Variants in PUDP observed in about 807,000 individuals in gnomAD.
The protein encoded by PUDP is pseudouridine-5'-phosphatase.
A neutral mutation model predicts 9.4 loss-of-function variants in PUDP; 8 were observed. The ratio of observed to expected loss-of-function variants is 0.85; its 90% confidence interval spans 0.50 to 1.53. The LOEUF (loss-of-function observed/expected upper bound fraction) is 1.53, where lower values mean the gene tolerates loss of function less well. Among genes scored for constraint, PUDP ranks in the 40% most tolerant of loss-of-function variants. The probability of loss-of-function intolerance (pLI) is 0.00; values close to 1 mark genes in which losing one functional copy is unlikely to be tolerated. For missense variants in PUDP, 188 were observed against 189.7 expected (o/e 0.99, Z 0.05); for synonymous variants, 99 against 80.7 (o/e 1.23, Z -1.22).
chrX:6,899,213 T>A (rs1239364756), intron 3 of PUDP, among the ~76,000 whole-genome samples: 1 of 112,869 alleles, frequency 8.9e-6, no homozygotes, highest in Non-Finnish European at 1.9e-5. Context: ...CAGGGTTTGA[T>A]CTCCAGCTCT....
intron 3 of PUDP, among the ~76,000 whole-genome samples, chrX:6,743,390 C>T (rs1327894398): frequency 9.0e-6 from 1 of 111,683 alleles, no homozygotes; most frequent in Non-Finnish European, 1.9e-5. Context: ...AAGATTGTAC[C>T]AGCTAATGTA....
intron 3 of PUDP, among the ~76,000 whole-genome samples, chrX:6,922,383 T>G (rs1306342788): frequency 9.0e-6 from 1 of 111,277 alleles, no homozygotes; most frequent in African/African-American, 3.3e-5. Flanking sequence ...ATGCATCCAC[T>G]ATATACCCAC....
chrX:6,958,530 C>T (rs1233764279), intron 3 of PUDP, among the ~76,000 whole-genome samples: 2 of 111,026 alleles, frequency 1.8e-5, no homozygotes, highest in Non-Finnish European at 3.8e-5. Context: ...AGAGGAACCT[C>T]TACTTTACTT....
At chrX:7,073,599 C>T (rs779477929) in intron 3 of PUDP, among the ~76,000 whole-genome samples, 25 of 112,839 alleles carry the variant, frequency 2.2e-4, no homozygotes, top group Non-Finnish European at 4.7e-4. Flanking sequence ...ATCGTCCACA[C>T]GGCCCCTGGC....
intron 2 of PUDP, among the ~76,000 whole-genome samples, chrX:7,105,007 G>C (rs1046500945): frequency 1.8e-5 from 2 of 110,845 alleles, no homozygotes; most frequent in Non-Finnish European, 3.8e-5. Flanking sequence ...CTGTAATCTA[G>C]AATATTCTTG....
chrX:6,716,045 C>A (rs188001464), intron 1 of PUDP, among the ~76,000 whole-genome samples: 29 of 110,092 alleles, frequency 2.6e-4, no homozygotes, highest in Non-Finnish European at 1.5e-4. Context: ...CTATTAATCA[C>A]CAAAATAAAA....
At position 6,908,385 on chromosome X, in the gene PUDP, G is replaced by C. The variant is rs189305377; in HGVS notation, c.*247+68748C>G. Among the ~76,000 whole-genome samples, 230 of 112,327 alleles carry C rather than the reference G, an allele frequency of 2.0e-3. 2 individuals are homozygous for C. Among genetic ancestry groups the C allele is most frequent in the Middle Eastern group, 9.2e-3 (2 of 217 alleles). On this transcript the variant is annotated intron_variant and NMD_transcript_variant, in intron 3 of 3. Transcript: ENST00000655425. ...CAAAGGTCCCTAAGAGCACCCTTAA[G>C]TTTGATGATTTGCTAGAAAGATGCA...
chrX:6,990,367 G>A (rs748480535), intron 1 of PUDP, among the ~76,000 whole-genome samples: 1 of 111,382 alleles, frequency 9.0e-6, no homozygotes, highest in Non-Finnish European at 1.9e-5. Flanking sequence ...TATCCCAAAG[G>A]TCTAGGGGTA....
intron 1 of PUDP, among the ~76,000 whole-genome samples, chrX:7,126,159 CAT>C (rs1226961958): frequency 8.9e-6 from 1 of 112,132 alleles, no homozygotes; most frequent in Non-Finnish European, 1.9e-5. Flanking sequence ...CCTAAAGACA[CAT>C]GAGTGACCAT....
upstream of PUDP, among the ~76,000 whole-genome samples, chrX:6,722,287 A>C (rs1489559556): frequency 1.8e-5 from 2 of 110,130 alleles, no homozygotes; most frequent in East Asian, 5.8e-4. Flanking sequence ...TCTACTAAAA[A>C]TACAAAAAAT....
chrX:7,133,053 G>A (rs1423142557), intron 1 of PUDP, among the ~76,000 whole-genome samples: 1 of 112,277 alleles, frequency 8.9e-6, no homozygotes, highest in Non-Finnish European at 1.9e-5. Flanking sequence ...TGTGGGTGGG[G>A]ATGGCAAGGA....
At chrX:6,879,435 T>TACACAC (rs753425131) in intron 3 of PUDP, among the ~76,000 whole-genome samples, 95 of 102,082 alleles carry the variant, frequency 9.3e-4, no homozygotes, top group East Asian at 3.5e-3. Context: ...ACAGCACAAT[T>TACACAC]ACACACACAC....
At chrX:6,910,903 G>A (rs894114077) in intron 3 of PUDP, among the ~76,000 whole-genome samples, 4 of 111,726 alleles carry the variant, frequency 3.6e-5, no homozygotes, top group African/African-American at 1.3e-4. Context: ...ACTTCTTGGT[G>A]TATCCTCACA....
intron 3 of PUDP, among the ~76,000 whole-genome samples, chrX:6,882,912 G>A (rs992891673): frequency 3.6e-5 from 4 of 111,453 alleles, no homozygotes; most frequent in Non-Finnish European, 7.5e-5. Context: ...AGAAAAGCAG[G>A]CAAGCCAAGG....
chrX:6,765,903 C>T (rs1032619160), intron 3 of PUDP, among the ~76,000 whole-genome samples: 19 of 111,412 alleles, frequency 1.7e-4, no homozygotes, highest in African/African-American at 5.2e-4. Flanking sequence ...GAAGGCCAAA[C>T]GGGGTAAATC....
intron 3 of PUDP, among the ~76,000 whole-genome samples, chrX:7,054,636 T>C (rs1447694137): frequency 1.8e-5 from 2 of 111,304 alleles, no homozygotes; most frequent in Non-Finnish European, 3.8e-5. Flanking sequence ...TAAACAGCCA[T>C]GGGTGATCTC....
chrX:7,062,733 A>G (rs1930439338), intron 3 of PUDP, among the ~76,000 whole-genome samples: 2 of 109,723 alleles, frequency 1.8e-5, no homozygotes, highest in Non-Finnish European at 3.8e-5. Flanking sequence ...ATGAGGTCAG[A>G]GCAGGGCAAC....
At chrX:6,995,030 CTG>C (rs1362097194) in intron 1 of PUDP, among the ~76,000 whole-genome samples, 1 of 110,894 alleles carries the variant, frequency 9.0e-6, no homozygotes, top group Non-Finnish European at 1.9e-5. Context: ...GGGCACAAAA[CTG>C]TGAAGGAATC....
chrX:6,752,993 C>G (rs974889498), intron 3 of PUDP, among the ~76,000 whole-genome samples: 3 of 110,427 alleles, frequency 2.7e-5, no homozygotes, highest in African/African-American at 9.9e-5. Context: ...TGGCTGTGTC[C>G]CCACCCACAT....
Sources: allele counts gnomAD v4.1 joint callset (sites outside exome capture counted in the v4.1 genomes callset), GRCh38; gene constraint gnomAD v4.1.1; transcripts MANE v1.5; gene names NCBI Gene and HGNC (gene_info 2026-07-23, HGNC 2026-07-21).